The following FYB2 variants were observed in gnomAD, a reference collection of about 807,000 sequenced individuals.
The protein encoded by FYB2 is FYN binding protein 2.
A neutral mutation model predicts 94.1 loss-of-function variants in FYB2; 103 were observed. The observed-to-expected ratio is 1.09, with a 90% CI of 0.93 to 1.29. The LOEUF is 1.29. Ranked by LOEUF, FYB2 falls within the 50% of genes most tolerant of loss-of-function variation. FYB2 has a pLI of 0.00. For synonymous variants in FYB2, 293 were observed against 287.9 expected (o/e 1.02, Z -0.18); for missense variants, 896 against 841.5 (o/e 1.06, Z -0.80).
At chr1:56,778,986 G>A (rs1645947669) in intron 4 of FYB2, among the ~76,000 whole-genome samples, 1 of 152,076 alleles carries the variant, frequency 6.6e-6, no homozygotes, top group Non-Finnish European at 1.5e-5. Context: ...GTGACGATCT[G>A]GGAGAAGATG....
intron 1 of FYB2, among the ~76,000 whole-genome samples, chr1:56,795,172 C>T (rs916959681): frequency 1.3e-5 from 2 of 151,994 alleles, no homozygotes; most frequent in East Asian, 3.9e-4. Context: ...CCCTCTCATT[C>T]TACACTCTGT....
At chr1:56,821,209 C>CA (rs1236489589), upstream of FYB2, among the ~76,000 whole-genome samples, 1 of 152,206 alleles carries the variant, frequency 6.6e-6, no homozygotes, top group Non-Finnish European at 1.5e-5. Context: ...GCTCCTAGTG[C>CA]AAGGGCTCCC....
intron 1 of FYB2, among the ~76,000 whole-genome samples, chr1:56,805,623 T>C (rs1646627521): frequency 6.6e-6 from 1 of 152,132 alleles, no homozygotes; most frequent in South Asian, 2.1e-4. Flanking sequence ...TTGATATGGT[T>C]TGGCTGTGTC....
chr1:56,738,704 G>A (rs1395306807), intron 13 of FYB2, 51 bp from the exon 14 acceptor site: 1 of 1,572,504 alleles, frequency 6.4e-7, no homozygotes, highest in East Asian at 2.2e-5. Context: ...ACCATGTTTG[G>A]AAAGATGAGC....
At chr1:56,806,899 G>T (rs542314210) in intron 1 of FYB2, among the ~76,000 whole-genome samples, 1 of 152,130 alleles carries the variant, frequency 6.6e-6, no homozygotes. Flanking sequence ...TCAGCAAAAG[G>T]CTCAAGTTTA....
chr1:56,810,863 T>C (rs549316834), intron 1 of FYB2, among the ~76,000 whole-genome samples: 5 of 152,160 alleles, frequency 3.3e-5, no homozygotes, highest in African/African-American at 1.2e-4. Flanking sequence ...TGGAAGGGAG[T>C]TGTATTTGGA....
intron 1 of FYB2, among the ~76,000 whole-genome samples, chr1:56,811,395 G>T (rs1349581451): frequency 6.6e-6 from 1 of 152,052 alleles, no homozygotes; most frequent in African/African-American, 2.4e-5. Flanking sequence ...CCCTTGCACT[G>T]CCAGCTTATC....
At chr1:56,796,546 C>A (rs1243560071) in intron 1 of FYB2, among the ~76,000 whole-genome samples, 1 of 152,072 alleles carries the variant, frequency 6.6e-6, no homozygotes, top group Non-Finnish European at 1.5e-5. Flanking sequence ...GTTAGACAAA[C>A]CTCTTTAAAA....
intron 1 of FYB2, among the ~76,000 whole-genome samples, chr1:56,797,924 T>C (rs900724032): frequency 1.5e-4 from 23 of 152,166 alleles, no homozygotes; most frequent in African/African-American, 5.3e-4. Flanking sequence ...GTGGGTACTT[T>C]GTTTGTATTT....
intron 5 of FYB2, among the ~76,000 whole-genome samples, chr1:56,760,630 A>C (rs760899867): frequency 2.0e-5 from 3 of 152,110 alleles, no homozygotes; most frequent in Non-Finnish European, 4.4e-5. Context: ...TTACTTGTCT[A>C]TGCTTTTCAA....
Position 56,751,064 on chromosome 1 carries a change from G to A in FYB2, c.1367C>T (p.Ala456Val). 1.6e-5 allele frequency: 26 copies of A among 1,612,590 alleles called. No homozygotes were observed. Among genetic ancestry groups the A allele is most frequent in the Non-Finnish European group, 2.1e-5 (25 of 1,179,094 alleles). ...CTTACAGTGGCCTTGGGAGTGCCTGGCCAGCTTTGGGCCCTCAGGGCAGGG... is the reference window on the plus strand; with the variant it reads ...CTTACAGTGGCCTTGGGAGTGCCTGACCAGCTTTGGGCCCTCAGGGCAGGG... ...TNPCPEGPKL[A>V]RHSQGHCGHL... is the part of the protein sequence containing the mutation. Residue 456 changes from alanine (A) to valine (V), a missense_variant, in exon 9 of 20, where the codon GCC becomes GTC. Physicochemically the swap from Ala to Val is moderately conservative, Grantham distance 64 (BLOSUM62 0). Coordinates refer to ENST00000343433, the MANE Select transcript of FYB2 (RefSeq NM_001004303.5).
chr1:56,730,384 T>C (rs1384476952), intron 15 of FYB2, among the ~76,000 whole-genome samples: 1 of 61,024 alleles, frequency 1.6e-5, no homozygotes, highest in Non-Finnish European at 2.9e-5. Flanking sequence ...GGGGGAAAGG[T>C]AAAGGGAAGT....
intron 1 of FYB2, among the ~76,000 whole-genome samples, chr1:56,805,209 G>T (rs772548497): frequency 7.9e-5 from 12 of 152,038 alleles, no homozygotes; most frequent in Non-Finnish European, 1.6e-4. Flanking sequence ...CACCCCACTC[G>T]CACATGTAGA....
chr1:56,750,588 C>T (rs984372586), intron 9 of FYB2, among the ~76,000 whole-genome samples: 1 of 151,764 alleles, frequency 6.6e-6, no homozygotes, highest in African/African-American at 2.4e-5. Flanking sequence ...AAAATGCAAC[C>T]TGAATAAAGT....
intron 7 of FYB2, 77 bp downstream of exon 7, chr1:56,755,819 C>G: frequency 7.2e-7 from 1 of 1,385,876 alleles, no homozygotes; most frequent in Non-Finnish European, 1.0e-6. Flanking sequence ...CATAGCTGGC[C>G]CATAGAGGAA....
chr1:56,776,720 T>A (rs1645885296), intron 4 of FYB2, among the ~76,000 whole-genome samples: 1 of 152,120 alleles, frequency 6.6e-6, no homozygotes, highest in Non-Finnish European at 1.5e-5. Context: ...GTGGTAGGCT[T>A]TTAAATAGGA....
Position 56,751,093 on chromosome 1 carries a change from T to G in FYB2, c.1338A>C (p.Thr446=). 2 of 1,612,904 alleles carry G rather than the reference T, an allele frequency of 1.2e-6. No individual in the cohort carries two copies. The highest frequency in any genetic ancestry group is 1.7e-6 in the Non-Finnish European group (2 of 1,179,256). The part of the protein sequence containing the change: ...KQEAMIDIIQ[T]NPCPEGPKLA... The stretch of plus-strand genomic sequence containing the variant: ...GCTTTGGGCCCTCAGGGCAGGGATT[T>G]GTCTGGATGATGTCAATCATGGCCT... The change falls in exon 9 of 20, where the codon ACA becomes ACC. Residue 446 remains threonine (T), a synonymous_variant. Coordinates refer to ENST00000343433, the MANE Select transcript of FYB2 (RefSeq NM_001004303.5).
chr1:56,743,414 T>G (rs1644999123), intron 11 of FYB2, among the ~76,000 whole-genome samples: 1 of 152,020 alleles, frequency 6.6e-6, no homozygotes, highest in Non-Finnish European at 1.5e-5. Flanking sequence ...ACTATGAGAT[T>G]GTACACCAAG....
chr1:56,804,470 A>G (rs1410223046), intron 1 of FYB2, among the ~76,000 whole-genome samples: 1 of 152,208 alleles, frequency 6.6e-6, no homozygotes, highest in Non-Finnish European at 1.5e-5. Context: ...CATGCCTGTA[A>G]TCCCAGCACA....
Sources: gnomAD v4.1 joint callset for allele counts (sites outside exome capture counted in the v4.1 genomes callset) on GRCh38, gnomAD v4.1.1 for gene constraint, MANE v1.5 for transcripts, NCBI Gene and HGNC (gene_info 2026-07-23, HGNC 2026-07-21) for gene names.